COL19A1: variants seen among roughly 807,000 people sequenced by gnomAD.
The protein encoded by COL19A1 is collagen alpha-1(XIX) chain.
Under a neutral mutation model 190.2 loss-of-function variants are expected in COL19A1, and 159 were observed. The ratio of observed to expected loss-of-function variants is 0.84; its 90% CI spans 0.73 to 0.95. COL19A1 has a LOEUF of 0.95. COL19A1 is among the 40% of genes least tolerant of loss of function. COL19A1 has a pLI of 0.00. For missense variants in COL19A1, 1,418 were observed against 1,431.9 expected (o/e 0.99, Z 0.16); for synonymous variants, 509 against 458.9 (o/e 1.11, Z -1.39).
chr6:70,128,832 T>C (rs1785349461), intron 17 of COL19A1, among the ~76,000 whole-genome samples: 1 of 152,232 alleles, frequency 6.6e-6, no homozygotes, highest in Non-Finnish European at 1.5e-5. Context: ...AACTTTCTCA[T>C]ATCTTTGTGA....
At chr6:70,130,647 C>T (rs1582986052) in intron 18 of COL19A1, among the ~76,000 whole-genome samples, 1 of 152,244 alleles carries the variant, frequency 6.6e-6, no homozygotes, top group South Asian at 2.1e-4. Flanking sequence ...GTCCAGCCTG[C>T]AGTGGGCAGG....
chr6:70,163,360 T>C lies in COL19A1; in HGVS notation c.2364T>C (p.Thr788=). The change falls in exon 36 of 51, where the codon ACT becomes ACC. Residue 788 remains threonine, a synonymous_variant. Transcript: ENST00000620364. The part of the protein sequence containing the change: ...PTGPPGLMGR[T]GHPGPTGAKG... ...TTTTACAGGGCTTAATGGGAAGAAC[T>C]GGACATCCTGGTCCCACAGGAGCAA... The C allele has an allele frequency of 6.2e-7, 1 of 1,612,470 alleles. No homozygotes were observed.
chr6:69,913,427 G>A (rs1771092685), intron 4 of COL19A1, among the ~76,000 whole-genome samples: 2 of 152,048 alleles, frequency 1.3e-5, no homozygotes, highest in Admixed American at 1.3e-4. Context: ...AGCTGTTATG[G>A]CATATAATAG....
rs59166640 is a variant in COL19A1 at position 69,884,056 on chromosome 6, C to T, written c.91+4398C>T. 1.5e-3 allele frequency among the ~76,000 whole-genome samples: 228 copies of T among 152,040 alleles called. 1 individual carries two copies. The East Asian group carries it at 0.017, about 11-fold the overall frequency. On this transcript the variant is annotated intron_variant, in intron 2 of 50. Transcript: ENST00000620364. ...GGGTATAGAAAGTATCAGACCTGGC[C>T]GGGCTCGGTGGCTCACACCTGTAAT... is the stretch of plus-strand genomic sequence containing the variant.
intron 16 of COL19A1, among the ~76,000 whole-genome samples, chr6:70,117,800 A>C (rs1015489780): frequency 6.6e-6 from 1 of 152,242 alleles, no homozygotes; most frequent in African/African-American, 2.4e-5. Flanking sequence ...CGTAAAAAAC[A>C]GACATTGTAT....
chr6:70,154,482 G>A (rs910100269), intron 31 of COL19A1, among the ~76,000 whole-genome samples: 2 of 152,142 alleles, frequency 1.3e-5, no homozygotes, highest in Non-Finnish European at 2.9e-5. Context: ...CCAGTAATGG[G>A]ATTGCTGTAA....
At chr6:69,950,148 TAGC>T (rs1215347231) in intron 9 of COL19A1, among the ~76,000 whole-genome samples, 1 of 151,846 alleles carries the variant, frequency 6.6e-6, no homozygotes, top group Non-Finnish European at 1.5e-5. Context: ...AGCTAGGTAA[TAGC>T]AGTAAATTCT....
chr6:70,188,059 A>G lies in COL19A1; in HGVS notation c.2857-16A>G, dbSNP rs773431919. 1.2e-6 allele frequency: 2 copies of G among 1,611,910 alleles called. No individual in the cohort carries two copies. Among genetic ancestry groups the G allele is most frequent in the Admixed American group, 3.4e-5 (2 of 59,516 alleles). On this transcript the variant is annotated splice_polypyrimidine_tract_variant and intron_variant, in intron 46 of 50. Coordinates refer to ENST00000620364, the MANE Select transcript of COL19A1 (RefSeq NM_001858.6). ...CTAGAAGAGATTATTCTTTGTTATT[A>G]TTTTTTCCTTAACAGGGTGATCAGG...
intron 48 of COL19A1, among the ~76,000 whole-genome samples, chr6:70,194,610 G>A (rs1767077911): frequency 6.6e-6 from 1 of 152,182 alleles, no homozygotes; most frequent in African/African-American, 2.4e-5. Context: ...ATGTGTCTCA[G>A]CTTAGCATTT....
intron 11 of COL19A1, among the ~76,000 whole-genome samples, chr6:70,000,367 C>T (rs967217316): frequency 3.3e-5 from 5 of 152,094 alleles, no homozygotes; most frequent in Non-Finnish European, 5.9e-5. Flanking sequence ...GATTTATATT[C>T]CTTTGGGTAT....
Position 70,034,297 on chromosome 6 carries a change from A to G in COL19A1, c.1133A>G (p.Lys378Arg), listed in dbSNP as rs1002694401. ...GGTCCACCTGGCCCAAAAGGAGAAA[A>G]GGTATTGTGTTTACCCAGCCAAGCC... Reference protein sequence around the residue: ...PHGPPGPKGEKGDTGPPGPPA... With the variant: ...PHGPPGPKGERGDTGPPGPPA... The change falls in exon 13 of 51, where the codon AAG becomes AGG. Residue 378 changes from lysine (K) to arginine (R), a missense_variant and splice_region_variant. Physicochemically the swap from Lys to Arg is conservative, Grantham distance 26. Transcript: ENST00000620364. 3.1e-6 allele frequency: 5 copies of G among 1,612,444 alleles called. No individual in the cohort carries two copies. Among genetic ancestry groups the G allele is most frequent in the Non-Finnish European group, 4.2e-6 (5 of 1,178,516 alleles).
At chr6:69,890,672 T>C (rs2149959430) in intron 2 of COL19A1, 1 of 152,342 alleles carries the variant, frequency 6.6e-6, no homozygotes, top group Admixed American at 6.5e-5. Context: ...GTACTAAAAA[T>C]ATTTTTATTT....
intron 44 of COL19A1, among the ~76,000 whole-genome samples, chr6:70,181,661 A>ACACACACACACG (rs1424899442): frequency 4.0e-5 from 6 of 151,346 alleles, no homozygotes; most frequent in African/African-American, 1.5e-4. Flanking sequence ...AAAACAACAC[A>ACACACACACACG]CACACACACA....
At chr6:70,182,495 T>C (rs1766237140) in intron 44 of COL19A1, among the ~76,000 whole-genome samples, 3 of 152,114 alleles carry the variant, frequency 2.0e-5, no homozygotes, top group Non-Finnish European at 4.4e-5. Flanking sequence ...AATTAGGGTA[T>C]CTAAACCTGA....
intron 46 of COL19A1, among the ~76,000 whole-genome samples, 173 bp from the exon 47 acceptor site, chr6:70,187,902 G>A (rs1766626006): frequency 6.6e-6 from 1 of 152,130 alleles, no homozygotes; most frequent in African/African-American, 2.4e-5. Flanking sequence ...CCTATCTAAT[G>A]GATACTATTA....
chr6:69,995,992 C>G (rs1487142807), intron 11 of COL19A1, among the ~76,000 whole-genome samples: 1 of 152,090 alleles, frequency 6.6e-6, no homozygotes, highest in Non-Finnish European at 1.5e-5. Context: ...TCAAGACAGT[C>G]TTTTTGAGAT....
intron 34 of COL19A1, 84 bp from the exon 35 acceptor site, chr6:70,161,816 T>C: frequency 9.6e-7 from 1 of 1,037,858 alleles, no homozygotes; most frequent in East Asian, 2.6e-5. Flanking sequence ...GTGTTTAATG[T>C]TCAATGGTCA....
chr6:69,955,352 G>A (rs541959321), intron 9 of COL19A1, among the ~76,000 whole-genome samples: 2 of 152,070 alleles, frequency 1.3e-5, no homozygotes, highest in South Asian at 4.1e-4. Flanking sequence ...ATAACTCTTA[G>A]TACAACTTGT....
chr6:69,990,455 G>A (rs529342095), intron 11 of COL19A1, among the ~76,000 whole-genome samples: 5 of 152,000 alleles, frequency 3.3e-5, no homozygotes, highest in Non-Finnish European at 7.4e-5. Context: ...GCTGTAGTCA[G>A]GATCCAAATA....
Sources: allele counts gnomAD v4.1 joint callset (sites outside exome capture counted in the v4.1 genomes callset), GRCh38; gene constraint gnomAD v4.1.1; transcripts MANE v1.5; gene names NCBI Gene and HGNC (gene_info 2026-07-23, HGNC 2026-07-21).